PCDHGB1: variants seen among roughly 807,000 people sequenced by gnomAD.
PCDHGB1 encodes the protein protocadherin gamma-B1.
In PCDHGB1, 34 loss-of-function variants were observed where a neutral mutation model predicts 56.6. The ratio of observed to expected loss-of-function variants is 0.60; its 90% CI spans 0.46 to 0.80. The LOEUF (loss-of-function observed/expected upper bound fraction) is 0.80, where lower values mean the gene tolerates loss of function less well. PCDHGB1 is among the 30% of genes least tolerant of loss of function. The pLI is 0.00. For synonymous variants in PCDHGB1, 561 were observed against 505.9 expected (o/e 1.11, Z -1.46); for missense variants, 1,278 against 1,204.6 (o/e 1.06, Z -0.90).
chr5:141,492,360 G>A (rs2099739696), intron 1 of PCDHGB1, among the ~76,000 whole-genome samples: 1 of 152,190 alleles, frequency 6.6e-6, no homozygotes, highest in African/African-American at 2.4e-5. Context: ...CCACTCGCTC[G>A]CGGCCAGATT....
intron 1 of PCDHGB1, chr5:141,389,414 G>A (rs2091750366): frequency 6.2e-7 from 1 of 1,613,464 alleles, no homozygotes; most frequent in Non-Finnish European, 8.5e-7. Context: ...CGGAGAGCGG[G>A]GTGGTGTTCG....
At chr5:141,462,996 G>A (rs2099050826) in intron 1 of PCDHGB1, among the ~76,000 whole-genome samples, 1 of 152,082 alleles carries the variant, frequency 6.6e-6, no homozygotes, top group South Asian at 2.1e-4. Flanking sequence ...GGCTAATTTA[G>A]ACCTACCACT....
intron 1 of PCDHGB1, chr5:141,371,619 G>A (rs780564010): frequency 1.5e-5 from 25 of 1,613,894 alleles, no homozygotes; most frequent in Non-Finnish European, 2.1e-5. Flanking sequence ...GACAGATGGA[G>A]CCCTGGACCG....
intron 1 of PCDHGB1, chr5:141,408,082 G>C (rs890768118): frequency 2.1e-6 from 3 of 1,417,248 alleles, no homozygotes; most frequent in Non-Finnish European, 1.9e-6. Flanking sequence ...TCCCAGCACA[G>C]CGGATTGCCA....
At chr5:141,424,055 C>T (rs2096796946) in intron 1 of PCDHGB1, 1 of 1,007,784 alleles carries the variant, frequency 9.9e-7, no homozygotes. Flanking sequence ...TTTTGCTGTG[C>T]CTTCACTGAT....
chr5:141,417,900 G>C, intron 1 of PCDHGB1: 2 of 1,583,452 alleles, frequency 1.3e-6, no homozygotes, highest in Non-Finnish European at 1.7e-6. Context: ...GCCGGCCCGC[G>C]GCAGGTACTA....
At chr5:141,495,014 G>A (rs561045298) in intron 2 of PCDHGB1, 149 bp downstream of exon 2, 13 of 1,510,430 alleles carry the variant, frequency 8.6e-6, no homozygotes, top group South Asian at 7.5e-5. Flanking sequence ...GCGGGGGGCT[G>A]GCACACAGAC....
In PCDHGB1 at chr5:141,485,368, G is replaced by T. The variant is rs2154580406; in HGVS notation, c.2410-9439G>T. On this transcript the variant is annotated intron_variant, in intron 1 of 3. Coordinates refer to ENST00000523390, the MANE Select transcript of PCDHGB1 (RefSeq NM_018922.3). This position sits in a 1 kb window ranked among gnomAD's most constrained non-coding sequence, Gnocchi z 5.7. Reference sequence around the variant, plus strand: ...ACAGTCTGTCAGCTCGCAGGCTGCAGGTCGCTGGAGAGGTGAACCAAAGAC... The same window carrying T: ...ACAGTCTGTCAGCTCGCAGGCTGCATGTCGCTGGAGAGGTGAACCAAAGAC... The T allele has an allele frequency of 6.2e-7, 1 of 1,614,144 alleles. No individual in the cohort carries two copies. The highest frequency in any genetic ancestry group is 2.2e-5 in the East Asian group (1 of 44,866).
rs530054362 is a variant in PCDHGB1 at position 141,486,066 on chromosome 5, C to G, written c.2410-8741C>G. ...AGAAACCTCTTTAGCCTGCACCCCACTACTGGAAAGCTTACTCTTTTGGGG... is the reference window on the plus strand; with the variant it reads ...AGAAACCTCTTTAGCCTGCACCCCAGTACTGGAAAGCTTACTCTTTTGGGG... On this transcript the variant is annotated intron_variant, in intron 1 of 3. Coordinates refer to ENST00000523390, the MANE Select transcript of PCDHGB1 (RefSeq NM_018922.3). This position sits in a 1 kb window ranked among gnomAD's most constrained non-coding sequence, Gnocchi z 5.0. The G allele has an allele frequency of 3.1e-6, 5 of 1,614,166 alleles. No homozygotes were observed. In the African/African-American group the frequency reaches 5.3e-5, roughly 17 times the overall value.
At position 141,486,266 on chromosome 5, in the gene PCDHGB1, C is replaced by A; in HGVS notation, c.2410-8541C>A. On this transcript the variant is annotated intron_variant, in intron 1 of 3. Coordinates refer to ENST00000523390, the MANE Select transcript of PCDHGB1 (RefSeq NM_018922.3). The surrounding 1 kb of genome is among the most constrained non-coding windows in gnomAD (Gnocchi z 5.0). ...TGGAACCCTCCCCGAGAGTGCAGAA[C>A]CTGGCACTGTGGTGGCACTTATCAG... The A allele has an allele frequency of 1.9e-6, 3 of 1,614,098 alleles. No homozygotes were observed. Among genetic ancestry groups the A allele is most frequent in the Admixed American group, 3.3e-5 (2 of 60,016 alleles).
chr5:141,372,052 A>G (rs1768353245), intron 1 of PCDHGB1: 2 of 1,613,472 alleles, frequency 1.2e-6, no homozygotes. Context: ...GTGTTGGTGG[A>G]CGACCGCAAC....
At chr5:141,407,286 T>A (rs1409712341) in intron 1 of PCDHGB1, among the ~76,000 whole-genome samples, 1 of 152,234 alleles carries the variant, frequency 6.6e-6, no homozygotes, top group Non-Finnish European at 1.5e-5. Flanking sequence ...TTGTTACAAT[T>A]TCTGTTCTGA....
chr5:141,436,185 A>G (rs1324749623), intron 1 of PCDHGB1, among the ~76,000 whole-genome samples: 1 of 152,142 alleles, frequency 6.6e-6, no homozygotes, highest in Non-Finnish European at 1.5e-5. Flanking sequence ...ATATAGTCAA[A>G]TAGAAAGAAA....
intron 1 of PCDHGB1, chr5:141,411,396 C>G (rs985023346): frequency 2.1e-5 from 3 of 145,420 alleles, no homozygotes; most frequent in African/African-American, 5.1e-5. Context: ...ATAGGGAGAC[C>G]CCCCATCTCT....
At position 141,463,796 on chromosome 5, in the gene PCDHGB1, G is replaced by A. The variant is rs139760353; in HGVS notation, c.2410-31011G>A. ...ATCCTGCACTGTCTTTTGAACAAAT[G>A]TCTAAAAGCTTTTATCACACATTTT... On this transcript the variant is annotated intron_variant, in intron 1 of 3. Coordinates refer to ENST00000523390, the MANE Select transcript of PCDHGB1 (RefSeq NM_018922.3). Among the ~76,000 whole-genome samples, 155 of 152,232 alleles carry A rather than the reference G, an allele frequency of 1.0e-3. 1 individual carries two copies. The highest frequency in any genetic ancestry group is 3.4e-3 in the African/African-American group (140 of 41,538).
chr5:141,498,312 T>C (rs2099783060), intron 2 of PCDHGB1, among the ~76,000 whole-genome samples: 1 of 151,714 alleles, frequency 6.6e-6, no homozygotes, highest in Non-Finnish European at 1.5e-5. Context: ...TCACACTGCC[T>C]ACACAGAAGG....
chr5:141,404,490 T>A (rs748668164), intron 1 of PCDHGB1: 6 of 1,613,632 alleles, frequency 3.7e-6, no homozygotes, highest in Non-Finnish European at 5.1e-6. Flanking sequence ...GACACTGGTG[T>A]GCTGTATGCT....
chr5:141,356,389 A>C (rs1291017239), intron 1 of PCDHGB1: 1 of 1,574,322 alleles, frequency 6.4e-7, no homozygotes. Flanking sequence ...ACTTGAAAAG[A>C]CCTATGGAAA....
chr5:141,489,159 T>G lies in PCDHGB1; in HGVS notation c.2410-5648T>G. On this transcript the variant is annotated intron_variant, in intron 1 of 3. Transcript: ENST00000523390. This position sits in a 1 kb window ranked among gnomAD's most constrained non-coding sequence, Gnocchi z 4.5. ...AGGCTGGAAGGAGACATAAGAGACT[T>G]CAGCTGCTGCATTCCAAGCCCTGGG... is the stretch of plus-strand genomic sequence containing the variant. 2 of 1,023,152 alleles carry G rather than the reference T, an allele frequency of 2.0e-6. No individual in the cohort carries two copies. Among genetic ancestry groups the G allele is most frequent in the Non-Finnish European group, 2.9e-6 (2 of 697,120 alleles). The allele number at this position is 1,023,152 out of a possible 1,614,324, so 63.4% of individuals were successfully genotyped here. A position where few individuals can be genotyped will look rare whatever the true frequency, so the allele number is the denominator to read the frequency against.
Sources: gnomAD v4.1 joint callset for allele counts (sites outside exome capture counted in the v4.1 genomes callset) on GRCh38, gnomAD v4.1.1 for gene constraint, Gnocchi (gnomAD v3.1) non-coding constraint, MANE v1.5 for transcripts, NCBI Gene and HGNC (gene_info 2026-07-23, HGNC 2026-07-21) for gene names.